Variants in PIK3C2G observed in about 807,000 individuals in gnomAD.
PIK3C2G encodes the protein phosphatidylinositol 3-kinase C2 domain-containing subunit gamma.
A neutral mutation model predicts 181.1 loss-of-function variants in PIK3C2G; 168 were observed. That is an observed-to-expected ratio of 0.93 (90% CI 0.82 to 1.05). PIK3C2G has a LOEUF of 1.05. PIK3C2G is among the 50% of genes least tolerant of loss of function. PIK3C2G has a pLI of 0.00. For synonymous variants in PIK3C2G, 573 were observed against 592.2 expected (o/e 0.97, Z 0.47); for missense variants, 1,869 against 1,732.8 (o/e 1.08, Z -1.40).
intron 22 of PIK3C2G, among the ~76,000 whole-genome samples, chr12:18,501,666 G>T (rs1224837895): frequency 6.6e-6 from 1 of 152,188 alleles, no homozygotes; most frequent in Non-Finnish European, 1.5e-5. Flanking sequence ...TGTATAAAAT[G>T]TAATTTATGA....
chr12:18,582,456 C>T (rs1050676325), intron 29 of PIK3C2G, among the ~76,000 whole-genome samples: 22 of 152,092 alleles, frequency 1.4e-4, no homozygotes, highest in Non-Finnish European at 2.5e-4. Flanking sequence ...AGAATCTTGG[C>T]GGAGCGGCCA....
At chr12:18,605,386 G>A (rs1263746739) in intron 30 of PIK3C2G, among the ~76,000 whole-genome samples, 1 of 152,092 alleles carries the variant, frequency 6.6e-6, no homozygotes, top group Admixed American at 6.6e-5. Flanking sequence ...GATTAAAATG[G>A]TAGTTAATAA....
the PIK3C2G span, among the ~76,000 whole-genome samples, chr12:18,676,758 C>T: frequency 6.6e-6 from 1 of 151,976 alleles, no homozygotes; most frequent in Non-Finnish European, 1.5e-5. Context: ...TCAGCAAAGT[C>T]CTAAAAGGTA....
At chr12:18,593,776 AT>A (rs916546798) in intron 29 of PIK3C2G, among the ~76,000 whole-genome samples, 3 of 151,930 alleles carry the variant, frequency 2.0e-5, no homozygotes, top group Admixed American at 2.0e-4. Context: ...AAAGAGAAGC[AT>A]GCATCTCTGT....
chr12:18,297,736 C>T (rs1469565635), intron 5 of PIK3C2G, among the ~76,000 whole-genome samples: 4 of 151,948 alleles, frequency 2.6e-5, no homozygotes, highest in African/African-American at 9.7e-5. Context: ...TACACTCTAA[C>T]TCCGTGAGAT....
intron 16 of PIK3C2G, among the ~76,000 whole-genome samples, chr12:18,408,349 G>A (rs1944657284): frequency 6.6e-6 from 1 of 152,092 alleles, no homozygotes; most frequent in South Asian, 2.1e-4. Flanking sequence ...TTTGTGTCAG[G>A]TTTGTCAAAG....
chr12:18,625,965 T>C (rs979469904), intron 31 of PIK3C2G, among the ~76,000 whole-genome samples: 65 of 152,040 alleles, frequency 4.3e-4, no homozygotes, highest in African/African-American at 1.5e-3. Flanking sequence ...TATTTTTTTA[T>C]CCATTACCTC....
rs192202895 is a variant in PIK3C2G, at chr12:18,346,879, T to C, written c.1625+43T>C. 8.2e-4 allele frequency: 1,096 copies of C among 1,337,790 alleles called. 3 individuals are homozygous for C. In the African/African-American group the frequency reaches 0.014, roughly 17 times the overall value. The allele number at this position is 1,337,790 out of a possible 1,614,324, so 82.9% of individuals were successfully genotyped here. On this transcript the variant is annotated intron_variant, in intron 11 of 32. Coordinates refer to ENST00000538779, the MANE Select transcript of PIK3C2G (RefSeq NM_001288772.2). ...TTTCACAAAAGCATTCATTTTTACATAGCTTCTAAGTAGAATGCAATTTGT... is the reference window on the plus strand; with the variant it reads ...TTTCACAAAAGCATTCATTTTTACACAGCTTCTAAGTAGAATGCAATTTGT...
At chr12:18,371,340 C>A in intron 13 of PIK3C2G, 29 bp downstream of exon 13, 2 of 1,552,426 alleles carry the variant, frequency 1.3e-6, no homozygotes, top group South Asian at 1.2e-5. Flanking sequence ...AGTAATAAGC[C>A]TATCATTTCA....
At chr12:18,398,018 T>C (rs1943998557) in intron 15 of PIK3C2G, among the ~76,000 whole-genome samples, 1 of 152,136 alleles carries the variant, frequency 6.6e-6, no homozygotes, top group Non-Finnish European at 1.5e-5. Flanking sequence ...AAAGAAGCCA[T>C]AAATAAAAAC....
intron 19 of PIK3C2G, 88 bp from the exon 20 acceptor site, chr12:18,491,363 A>T (rs1023080084): frequency 3.4e-5 from 24 of 714,438 alleles, no homozygotes; most frequent in Non-Finnish European, 4.8e-5. Context: ...TCAAGAATTC[A>T]TTTAATCAAT....
intron 25 of PIK3C2G, among the ~76,000 whole-genome samples, chr12:18,544,603 A>T (rs1486333042): frequency 6.6e-6 from 1 of 151,882 alleles, no homozygotes; most frequent in Non-Finnish European, 1.5e-5. Context: ...AAAAGAGAGA[A>T]TCAAAGAAGA....
chr12:18,274,800 T>C (rs1286011451), intron 1 of PIK3C2G, among the ~76,000 whole-genome samples: 1 of 152,088 alleles, frequency 6.6e-6, no homozygotes, highest in African/African-American at 2.4e-5. Flanking sequence ...ACTTAAAGTA[T>C]AATAATAATA....
At chr12:18,313,804 TCA>T (rs5796752) in intron 5 of PIK3C2G, among the ~76,000 whole-genome samples, 156 bp from the exon 6 acceptor site, 2,132 of 149,492 alleles carry the variant, frequency 0.014, 36 homozygotes, top group African/African-American at 0.042. Context: ...GCATATATAT[TCA>T]CACACACACA....
intron 24 of PIK3C2G, among the ~76,000 whole-genome samples, chr12:18,511,724 A>G (rs569075329): frequency 6.6e-6 from 1 of 152,192 alleles, no homozygotes; most frequent in South Asian, 2.1e-4. Context: ...CTAACCCATT[A>G]TCAGACAAAT....
At chr12:18,628,948 A>C (rs1251410659) in intron 31 of PIK3C2G, among the ~76,000 whole-genome samples, 1 of 152,198 alleles carries the variant, frequency 6.6e-6, no homozygotes, top group Non-Finnish European at 1.5e-5. Flanking sequence ...CTGATAATTT[A>C]AGAAATATAA....
intron 16 of PIK3C2G, among the ~76,000 whole-genome samples, chr12:18,402,522 C>T (rs949080349): frequency 5.9e-5 from 9 of 151,970 alleles, no homozygotes; most frequent in Non-Finnish European, 1.2e-4. Context: ...ATTTCAATAT[C>T]GTGGTAAAGG....
At chr12:18,711,043 C>A in the PIK3C2G span, among the ~76,000 whole-genome samples, 1 of 151,840 alleles carries the variant, frequency 6.6e-6, no homozygotes, top group Admixed American at 6.6e-5. Flanking sequence ...GGTATATACC[C>A]AAAGGACTAT....
intron 24 of PIK3C2G, among the ~76,000 whole-genome samples, chr12:18,506,026 A>G (rs1172987231): frequency 6.6e-6 from 1 of 152,230 alleles, no homozygotes; most frequent in African/African-American, 2.4e-5. Context: ...ATGAGAAGTT[A>G]TTTTAGAAAA....
Sources: allele counts gnomAD v4.1 joint callset (sites outside exome capture counted in the v4.1 genomes callset), GRCh38; gene constraint gnomAD v4.1.1; transcripts MANE v1.5; gene names NCBI Gene and HGNC (gene_info 2026-07-23, HGNC 2026-07-21).